SLC2A2: variants seen among roughly 807,000 people sequenced by gnomAD.
The protein encoded by SLC2A2 is solute carrier family 2, facilitated glucose transporter member 2.
In SLC2A2, 36 loss-of-function variants were observed where a neutral mutation model predicts 54.5. The ratio of observed to expected loss-of-function variants is 0.66; its 90% confidence interval spans 0.51 to 0.87. The LOEUF (loss-of-function observed/expected upper bound fraction) is 0.87, where lower values mean the gene tolerates loss of function less well. Ranked by LOEUF, SLC2A2 falls within the 40% of genes least tolerant of loss-of-function variation. The pLI is 0.00. For missense variants in SLC2A2, 543 were observed against 624.3 expected (o/e 0.87, Z 1.39); for synonymous variants, 223 against 219.1 (o/e 1.02, Z -0.16).
intron 3 of SLC2A2, among the ~76,000 whole-genome samples, chr3:171,014,207 A>G (rs760036611): frequency 6.6e-6 from 1 of 152,192 alleles, no homozygotes; most frequent in Non-Finnish European, 1.5e-5. Flanking sequence ...TTTATAACTT[A>G]CAAAGCTAGA....
intron 9 of SLC2A2, among the ~76,000 whole-genome samples, chr3:170,998,833 A>C (rs1261150940): frequency 1.3e-5 from 2 of 152,170 alleles, no homozygotes; most frequent in African/African-American, 2.4e-5. Context: ...CCATGGGTAC[A>C]TGGCCTCCCT....
At chr3:171,020,599 T>C (rs965069473) in intron 1 of SLC2A2, among the ~76,000 whole-genome samples, 1 of 152,060 alleles carries the variant, frequency 6.6e-6, no homozygotes, top group African/African-American at 2.4e-5. Flanking sequence ...TAGATATAAA[T>C]TGGCCAGGCA....
chr3:171,023,349 T>A (rs1038032878), intron 1 of SLC2A2, among the ~76,000 whole-genome samples: 1 of 152,240 alleles, frequency 6.6e-6, no homozygotes, highest in Admixed American at 6.5e-5. Context: ...TTTCTTTATC[T>A]TTTATTTTCA....
chr3:171,019,746 G>A (rs1190029891), intron 1 of SLC2A2, among the ~76,000 whole-genome samples: 2 of 152,140 alleles, frequency 1.3e-5, no homozygotes, highest in Non-Finnish European at 2.9e-5. Flanking sequence ...TTTAAGTGGC[G>A]AAGGAAGTTA....
intron 4 of SLC2A2, among the ~76,000 whole-genome samples, chr3:171,008,899 G>T (rs1388471715): frequency 2.6e-5 from 4 of 152,018 alleles, no homozygotes; most frequent in Non-Finnish European, 5.9e-5. Flanking sequence ...ATAATAAAAA[G>T]AGATTTAATT....
chr3:171,010,062 G>C lies in SLC2A2; in HGVS notation c.392C>G (p.Ala131Gly), dbSNP rs970550665. 6.2e-7 allele frequency: 1 copy of C among 1,612,552 alleles called. No individual in the cohort carries two copies. Among genetic ancestry groups the C allele is most frequent in the Admixed American group, 1.7e-5 (1 of 59,920 alleles). The change falls in exon 4 of 11, where the codon GCA becomes GGA. Residue 131 changes from alanine (A) to glycine (G), a missense_variant. Physicochemically the swap from Ala to Gly is moderately conservative, Grantham distance 60. This residue lies in a region of SLC2A2 where 318 missense variants were observed against 343.8 expected (regional missense o/e 0.93). Coordinates refer to ENST00000314251, the MANE Select transcript of SLC2A2 (RefSeq NM_000340.2). ...AGCTCCAACTAATGACAGAATGTTT[G>C]CTACTAACATGGCTTTGATTCTGAA... ...TLGRIKAMLV[A>G]NILSLVGALL...
chr3:171,013,804 C>T (rs529316934), intron 3 of SLC2A2, among the ~76,000 whole-genome samples: 4 of 152,250 alleles, frequency 2.6e-5, no homozygotes, highest in African/African-American at 9.6e-5. Flanking sequence ...GTGGGAAATC[C>T]TAACAGCTGT....
intron 8 of SLC2A2, among the ~76,000 whole-genome samples, chr3:171,000,606 C>T (rs1715294530): frequency 6.7e-6 from 1 of 148,498 alleles, no homozygotes; most frequent in Non-Finnish European, 1.5e-5. Context: ...TCAGTGTCAT[C>T]CTGCTTCCTA....
At position 171,009,822 on chromosome 3, in the gene SLC2A2, T is replaced by A. The variant is rs981503034; in HGVS notation, c.496+136A>T. 2.4e-6 allele frequency: 3 copies of A among 1,246,942 alleles called. No homozygotes were observed. In the African/African-American group the frequency reaches 4.5e-5, roughly 19 times the overall value. 77.2% of individuals were successfully genotyped at this position (1,246,942 alleles called of 1,614,324 possible). A position where few individuals can be genotyped will look rare whatever the true frequency, so the allele number is the denominator to read the frequency against. On this transcript the variant is annotated intron_variant, in intron 4 of 10. Transcript: ENST00000314251. ...AACTCAGGATTTCAACTTTATGCTA[T>A]TGCCTTTCCCTCTGTGATGTCACCC... is the stretch of plus-strand genomic sequence containing the variant.
rs566113469 is a variant in SLC2A2, at chr3:171,002,158, TAAAA to T, written c.1068+414_1068+417del. 2.6e-5 allele frequency among the ~76,000 whole-genome samples: 4 copies of T among 151,682 alleles called. No homozygotes were observed. In the South Asian group the frequency reaches 8.3e-4, roughly 32 times the overall value. ...TATATGTTTCCCCCAAGGCACATGG[TAAAA>T]AAAAGAATTTGAACTATGTAAAAAG... On this transcript the variant is annotated intron_variant, in intron 8 of 10. Transcript: ENST00000314251.
Position 170,997,700 on chromosome 3 carries a change from T to G in SLC2A2, c.*203A>C. 1 of 581,756 alleles carries G rather than the reference T, an allele frequency of 1.7e-6. No homozygotes were observed. The highest frequency in any genetic ancestry group is 3.0e-6 in the Non-Finnish European group (1 of 333,342). 36.0% of individuals were successfully genotyped at this position (581,756 alleles called of 1,614,324 possible). On this transcript the variant is annotated 3_prime_UTR_variant, in exon 11 of 11. Coordinates refer to ENST00000314251, the MANE Select transcript of SLC2A2 (RefSeq NM_000340.2). ...AAATAAACTAGCCTTTTTGGTTTACTTAATTACAGTCTTACCATCAAAAAT... is the reference window on the plus strand; with the variant it reads ...AAATAAACTAGCCTTTTTGGTTTACGTAATTACAGTCTTACCATCAAAAAT...
Position 171,018,516 on chromosome 3 carries a change from A to G in SLC2A2, c.108+15T>C, listed in dbSNP as rs777241920. 5 of 1,562,540 alleles carry G rather than the reference A, an allele frequency of 3.2e-6. No homozygotes were observed. Among genetic ancestry groups the G allele is most frequent in the Admixed American group, 1.7e-5 (1 of 59,952 alleles). The stretch of plus-strand genomic sequence containing the variant: ...AGAACTTGCCAAAAAGAGAACTTCT[A>G]CATATTTCACTTGCCTGTTGAGGTG... On this transcript the variant is annotated intron_variant, in intron 2 of 10. Coordinates refer to ENST00000314251, the MANE Select transcript of SLC2A2 (RefSeq NM_000340.2).
intron 4 of SLC2A2, chr3:171,007,534 A>G (rs1180286016): frequency 2.3e-6 from 1 of 428,586 alleles, no homozygotes; most frequent in Non-Finnish European, 4.3e-6. Flanking sequence ...ATTAAAATTC[A>G]TGTTAATTTT....
chr3:170,998,890 G>T (rs1715216625), intron 9 of SLC2A2, among the ~76,000 whole-genome samples, 175 bp downstream of exon 9: 1 of 152,150 alleles, frequency 6.6e-6, no homozygotes, highest in South Asian at 2.1e-4. Flanking sequence ...TTAAACCCAA[G>T]AAACTAGTTC....
intron 7 of SLC2A2, among the ~76,000 whole-genome samples, chr3:171,003,441 TG>T (rs1204462779): frequency 4.4e-5 from 4 of 89,994 alleles, no homozygotes; most frequent in South Asian, 4.2e-4. Flanking sequence ...TAGTTTTTTT[TG>T]GGGGGGAGGG....
intron 2 of SLC2A2, among the ~76,000 whole-genome samples, chr3:171,017,802 A>G (rs201229428): frequency 1.3e-5 from 2 of 152,194 alleles, no homozygotes; most frequent in African/African-American, 4.8e-5. Context: ...TACCTCTCCC[A>G]TGTATTCACT....
At chr3:171,014,041 C>T (rs1047166953) in intron 3 of SLC2A2, among the ~76,000 whole-genome samples, 4 of 152,058 alleles carry the variant, frequency 2.6e-5, no homozygotes, top group Admixed American at 2.6e-4. Context: ...TTGACTGATC[C>T]GAATGCCAAA....
chr3:171,002,178 A>G (rs80323296), intron 8 of SLC2A2, among the ~76,000 whole-genome samples: 1,790 of 152,104 alleles, frequency 0.012, 30 homozygotes, highest in African/African-American at 0.032. Context: ...AATTTGAACT[A>G]TGTAAAAAGA....
At chr3:171,024,814 C>T (rs761124181) in intron 1 of SLC2A2, among the ~76,000 whole-genome samples, 11 of 152,182 alleles carry the variant, frequency 7.2e-5, no homozygotes, top group Non-Finnish European at 1.2e-4. Flanking sequence ...CTACTTCTTT[C>T]AAAGTCTGGA....
Sources: gnomAD v4.1 joint callset for allele counts (sites outside exome capture counted in the v4.1 genomes callset) on GRCh38, gnomAD v4.1.1 for gene constraint, gnomAD v4.1.1 regional missense constraint, MANE v1.5 for transcripts, NCBI Gene and HGNC (gene_info 2026-07-23, HGNC 2026-07-21) for gene names.